The following RHOT1 variants were observed in gnomAD, a reference collection of about 807,000 sequenced individuals.
The protein encoded by RHOT1 is mitochondrial Rho GTPase 1.
Under a neutral mutation model 95.3 loss-of-function variants are expected in RHOT1, and 27 were observed. The ratio of observed to expected loss-of-function variants is 0.28; its 90% CI spans 0.21 to 0.39. The LOEUF (loss-of-function observed/expected upper bound fraction) is 0.39. RHOT1 is among the 10% of genes least tolerant of loss of function. RHOT1 has a pLI of 1.00. For synonymous variants in RHOT1, 227 were observed against 263.5 expected, an observed-to-expected ratio of 0.86 and a Z score of 1.34; for missense variants, 578 against 786.7, an observed-to-expected ratio of 0.73 and a Z score of 3.17.
intron 19 of RHOT1, among the ~76,000 whole-genome samples, chr17:32,214,686 T>C (rs1178368478): frequency 6.6e-6 from 1 of 152,160 alleles, no homozygotes; most frequent in Admixed American, 6.6e-5. Context: ...TGGTCACTAT[T>C]GGTTTCCTGT....
At chr17:32,148,030 C>G (rs1425925172) in intron 1 of RHOT1, among the ~76,000 whole-genome samples, 1 of 152,144 alleles carries the variant, frequency 6.6e-6, no homozygotes, top group Admixed American at 6.5e-5. Context: ...CTTTGGGAGG[C>G]TGAGGCGGGC....
At chr17:32,161,311 A>G (rs1332528426) in intron 1 of RHOT1, among the ~76,000 whole-genome samples, 1 of 152,184 alleles carries the variant, frequency 6.6e-6, no homozygotes, top group African/African-American at 2.4e-5. Flanking sequence ...GGATCGACTG[A>G]GTCACAAGTT....
At position 32,203,906 on chromosome 17, in the gene RHOT1, G is replaced by T. The variant is rs767920791; in HGVS notation, c.1349G>T (p.Arg450Leu). 2.5e-6 allele frequency: 4 copies of T among 1,612,686 alleles called. No individual in the cohort carries two copies. In the African/African-American group the frequency reaches 5.3e-5, roughly 22 times the overall value. ...GRNLMRQKKI[R>L]EDHKSYYAIN... ...TGTTTTCAGAGGCAGAAGAAAATTC[G>T]TGAAGATCATAAATCCTACTATGCG... The change falls in exon 16 of 20, where the codon CGT becomes CTT. Residue 450 changes from arginine (R) to leucine (L), a missense_variant. Around this residue, in one of 4 missense-constraint regions of RHOT1, gnomAD observed 296 missense variants for 338.5 expected, o/e 0.87. Coordinates refer to ENST00000545287, the MANE Select transcript of RHOT1 (RefSeq NM_001033566.3).
At chr17:32,180,734 AGATC>A (rs2035570473) in intron 6 of RHOT1, among the ~76,000 whole-genome samples, 1 of 151,036 alleles carries the variant, frequency 6.6e-6, no homozygotes, top group African/African-American at 2.4e-5. Flanking sequence ...AGTTTTGCTA[AGATC>A]TATCAATCTA....
At chr17:32,145,776 A>T (rs980961098) in intron 1 of RHOT1, among the ~76,000 whole-genome samples, 2 of 152,126 alleles carry the variant, frequency 1.3e-5, no homozygotes, top group Admixed American at 1.3e-4. Flanking sequence ...GCACTTTGGG[A>T]GGCCGAGGCA....
intron 15 of RHOT1, among the ~76,000 whole-genome samples, chr17:32,203,552 C>T (rs908314420): frequency 3.3e-5 from 5 of 151,902 alleles, no homozygotes; most frequent in Non-Finnish European, 7.4e-5. Flanking sequence ...CACACCCTGC[C>T]GACATATTTC....
At chr17:32,142,819 C>A in intron 1 of RHOT1, 90 bp downstream of exon 1, 2 of 1,139,188 alleles carry the variant, frequency 1.8e-6, no homozygotes, top group Non-Finnish European at 2.5e-6. Flanking sequence ...CAGCCCCAAC[C>A]TTTGCAGCCC....
intron 8 of RHOT1, among the ~76,000 whole-genome samples, chr17:32,185,133 G>A (rs1001895249): frequency 4.0e-5 from 6 of 150,648 alleles, no homozygotes; most frequent in Non-Finnish European, 7.4e-5. Context: ...TTTTTGAGAC[G>A]GAGTTTCGCT....
At chr17:32,193,343 G>A in intron 10 of RHOT1, 99 bp downstream of exon 10, 1 of 759,880 alleles carries the variant, frequency 1.3e-6, no homozygotes, top group Middle Eastern at 2.5e-4. Context: ...TTAAGGAAAT[G>A]TTAATATTTA....
At chr17:32,169,540 A>C (rs764995858) in intron 1 of RHOT1, among the ~76,000 whole-genome samples, 6 of 152,256 alleles carry the variant, frequency 3.9e-5, no homozygotes, top group South Asian at 2.1e-4. Context: ...GTAGAGATGC[A>C]GAGAAATGAG....
At chr17:32,189,690 A>T (rs2036325526) in intron 8 of RHOT1, among the ~76,000 whole-genome samples, 1 of 151,402 alleles carries the variant, frequency 6.6e-6, no homozygotes, top group African/African-American at 2.4e-5. Context: ...ATTGCCTATA[A>T]CGGAATCTTT....
intron 19 of RHOT1, among the ~76,000 whole-genome samples, chr17:32,212,147 A>G (rs2038175834): frequency 6.6e-6 from 1 of 152,206 alleles, no homozygotes; most frequent in Admixed American, 6.5e-5. Flanking sequence ...TTGGTTAGAA[A>G]TGGGTCAGTT....
chr17:32,160,444 C>A (rs2033427245), intron 1 of RHOT1: 1 of 152,384 alleles, frequency 6.6e-6, no homozygotes, highest in Admixed American at 6.5e-5. Flanking sequence ...AATGGTGGGG[C>A]TAAAAGAGCT....
intron 18 of RHOT1, chr17:32,208,549 G>A: frequency 2.2e-6 from 1 of 445,338 alleles, no homozygotes; most frequent in Non-Finnish European, 4.1e-6. Flanking sequence ...TATCTTAATA[G>A]AATAGTACAA....
At chr17:32,199,693 T>G (rs1192853839) in intron 13 of RHOT1, 143 bp downstream of exon 13, 10 of 567,448 alleles carry the variant, frequency 1.8e-5, no homozygotes, top group Admixed American at 3.9e-5. Flanking sequence ...GCTGCTGATA[T>G]CTCTAAGATG....
At position 32,183,179 on chromosome 17, in the gene RHOT1, G is replaced by A. The variant is rs766058610; in HGVS notation, c.447G>A (p.Ala149=). 1.6e-5 allele frequency: 25 copies of A among 1,581,380 alleles called. No individual in the cohort carries two copies. Among genetic ancestry groups the A allele is most frequent in the South Asian group, 9.3e-5 (8 of 85,884 alleles). ...TEIETCVECS[A]KNLKNISELF... is the part of the protein sequence containing the mutation. ...AAATTTTATTTTTTCAGTGTTCAGCGAAAAACCTGAAGAACATATCAGAGC... is the reference window on the plus strand; with the variant it reads ...AAATTTTATTTTTTCAGTGTTCAGCAAAAAACCTGAAGAACATATCAGAGC... Residue 149 remains alanine, a synonymous_variant, in exon 8 of 20, where the codon GCG becomes GCA. Coordinates refer to ENST00000545287, the MANE Select transcript of RHOT1 (RefSeq NM_001033566.3).
At chr17:32,201,959 T>C (rs2037353590) in intron 14 of RHOT1, among the ~76,000 whole-genome samples, 1 of 152,150 alleles carries the variant, frequency 6.6e-6, no homozygotes, top group Admixed American at 6.6e-5. Context: ...ATCACCAGGC[T>C]GGAGTGCAGT....
chr17:32,199,140 T>A, intron 12 of RHOT1, 109 bp downstream of exon 12: 1 of 889,012 alleles, frequency 1.1e-6, no homozygotes, highest in Non-Finnish European at 1.7e-6. Context: ...AGCCAAAAAC[T>A]GCTTAACCTC....
At chr17:32,214,223 G>A (rs2038305583) in intron 19 of RHOT1, among the ~76,000 whole-genome samples, 1 of 152,132 alleles carries the variant, frequency 6.6e-6, no homozygotes, top group Non-Finnish European at 1.5e-5. Context: ...GTAAAAGAAT[G>A]AAGGTGGCCA....
Sources: allele counts gnomAD v4.1 joint callset (sites outside exome capture counted in the v4.1 genomes callset), GRCh38; gene constraint gnomAD v4.1.1; regional missense constraint gnomAD v4.1.1; transcripts MANE v1.5; gene names NCBI Gene and HGNC (gene_info 2026-07-23, HGNC 2026-07-21).